CDC14A: variants seen among roughly 807,000 people sequenced by gnomAD.
CDC14A encodes dual specificity protein phosphatase CDC14A.
In CDC14A, 53 loss-of-function variants were observed where a neutral mutation model predicts 74.4. The observed-to-expected ratio is 0.71, with a 90% CI of 0.57 to 0.89. The LOEUF is 0.89. Among genes scored for constraint, CDC14A ranks in the 40% least tolerant of loss-of-function variants. CDC14A has a pLI of 0.00. For missense variants in CDC14A, 646 were observed against 713.7 expected (o/e 0.91, Z 1.08); for synonymous variants, 247 against 258.4 (o/e 0.96, Z 0.43).
At chr1:100,409,107 A>T (rs1158437563) in intron 4 of CDC14A, among the ~76,000 whole-genome samples, 1 of 152,214 alleles carries the variant, frequency 6.6e-6, no homozygotes, top group Non-Finnish European at 1.5e-5. Context: ...GAGGCCTCAC[A>T]ATCATGGCAG....
chr1:100,388,331 C>G (rs926073282), intron 3 of CDC14A, among the ~76,000 whole-genome samples: 1 of 152,164 alleles, frequency 6.6e-6, no homozygotes, highest in African/African-American at 2.4e-5. Context: ...AACCACCCAA[C>G]AGACAATGAG....
At position 100,499,218 on chromosome 1, in the gene CDC14A, G is replaced by A. The variant is rs61752469; in HGVS notation, c.1711G>A (p.Gly571Arg). Residue 571 changes from glycine to arginine, a missense_variant, in exon 15 of 16, where the codon GGG (glycine) becomes AGG (arginine). Physicochemically the swap from Gly to Arg is moderately radical, Grantham distance 125. Coordinates refer to ENST00000336454, the MANE Select transcript of CDC14A (RefSeq NM_003672.4). ...CACCATCCTCCGACCCTCCTACACC[G>A]GGCTTTCTTCTTCTTCAGCGAGATT... ...HTTILRPSYT[G>R]LSSSSARFLS... 2.2e-3 allele frequency: 3,488 copies of A among 1,614,108 alleles called. 10 individuals carry two copies. The highest frequency in any genetic ancestry group is 1.9e-3 in the Non-Finnish European group (2,228 of 1,180,022).
chr1:100,401,794 T>G (rs7524941), intron 4 of CDC14A, among the ~76,000 whole-genome samples: 400 of 152,232 alleles, frequency 2.6e-3, no homozygotes, highest in African/African-American at 9.4e-3. Context: ...ATCCCAGCAC[T>G]TTGGGAGGCC....
intron 4 of CDC14A, among the ~76,000 whole-genome samples, chr1:100,392,420 T>C (rs1657845242): frequency 6.6e-6 from 1 of 152,116 alleles, no homozygotes; most frequent in South Asian, 2.1e-4. Flanking sequence ...AGGATTGCCA[T>C]CAAGAAGAGG....
At chr1:100,466,608 C>T (rs984394795) in intron 9 of CDC14A, among the ~76,000 whole-genome samples, 21 of 152,200 alleles carry the variant, frequency 1.4e-4, no homozygotes, top group Admixed American at 7.2e-4. Flanking sequence ...TGGTGGCCCA[C>T]GCCTGTAATC....
chr1:100,409,537 A>G (rs937536163), intron 4 of CDC14A, among the ~76,000 whole-genome samples: 6 of 152,226 alleles, frequency 3.9e-5, no homozygotes, highest in Admixed American at 2.0e-4. Flanking sequence ...CTTCCTAGAT[A>G]CAATGGGGGT....
rs533462367 is a variant in CDC14A, at chr1:100,498,219, C to T, written c.1421+12C>T. ...GCCACTGTAAGAAGGTAATTTTTCT[C>T]TCCCTCTTCTAAGGTGCTGGTTTGA... On this transcript the variant is annotated intron_variant, in intron 14 of 15. Transcript: ENST00000336454. 63 of 1,612,360 alleles carry T rather than the reference C, an allele frequency of 3.9e-5. No individual in the cohort carries two copies. Among genetic ancestry groups the T allele is most frequent in the Admixed American group, 1.8e-4 (11 of 59,778 alleles).
chr1:100,483,449 A>G (rs2101354616), intron 10 of CDC14A, among the ~76,000 whole-genome samples: 1 of 152,246 alleles, frequency 6.6e-6, no homozygotes, highest in South Asian at 2.1e-4. Flanking sequence ...CGTCTCCTTG[A>G]TGATGCAATT....
intron 2 of CDC14A, among the ~76,000 whole-genome samples, chr1:100,363,939 G>A (rs1653166711): frequency 6.6e-6 from 1 of 152,046 alleles, no homozygotes; most frequent in South Asian, 2.1e-4. Context: ...CAGATTGCTC[G>A]AGCAACATGC....
In CDC14A at chr1:100,499,213, A is replaced by G. The variant is rs1289839512; in HGVS notation, c.1706A>G (p.Tyr569Cys). The G allele has an allele frequency of 1.2e-6, 2 of 1,614,098 alleles. No individual in the cohort carries two copies. Among genetic ancestry groups the G allele is most frequent in the Non-Finnish European group, 8.5e-7 (1 of 1,179,994 alleles). Residue 569 changes from tyrosine to cysteine, a missense_variant, in exon 15 of 16, where the codon TAC becomes TGC. Physicochemically the swap from Tyr to Cys is radical, Grantham distance 194 (BLOSUM62 -2). Transcript: ENST00000336454. Reference protein sequence around the residue: ...EEHTTILRPSYTGLSSSSARF... With the variant: ...EEHTTILRPSCTGLSSSSARF... Reference sequence around the variant, plus strand: ...CACACCACCATCCTCCGACCCTCCTACACCGGGCTTTCTTCTTCTTCAGCG... The same window carrying G: ...CACACCACCATCCTCCGACCCTCCTGCACCGGGCTTTCTTCTTCTTCAGCG...
rs1158079101 is a variant in CDC14A, at chr1:100,484,851, T to C, written c.1137+400T>C. 4 of 985,214 alleles carry C rather than the reference T, an allele frequency of 4.1e-6. No homozygotes were observed. The African/African-American group carries it at 7.0e-5, about 17-fold the overall frequency. 61.0% of individuals were successfully genotyped at this position (985,214 alleles called of 1,614,324 possible). A position where few individuals can be genotyped will look rare whatever the true frequency, so the allele number is the denominator to read the frequency against. The stretch of plus-strand genomic sequence containing the variant: ...CTGATTTCTAAAGTAAGTGCCAACT[T>C]GAAAACATGATTAGGGCACTTTTTT... On this transcript the variant is annotated intron_variant, in intron 11 of 15. Transcript: ENST00000336454.
At chr1:100,456,896 T>C (rs1003446649) in intron 8 of CDC14A, among the ~76,000 whole-genome samples, 16 of 152,232 alleles carry the variant, frequency 1.1e-4, no homozygotes, top group Admixed American at 5.2e-4. Flanking sequence ...ATCTTCTTAC[T>C]TATAAGCTTG....
chr1:100,422,631 C>G (rs1488925591), intron 4 of CDC14A, among the ~76,000 whole-genome samples: 4 of 152,292 alleles, frequency 2.6e-5, no homozygotes, highest in Admixed American at 6.5e-5. Flanking sequence ...TTTTTAGAAT[C>G]TGTGCCTCTT....
At chr1:100,448,726 A>T (rs956028443) in intron 7 of CDC14A, among the ~76,000 whole-genome samples, 1 of 152,208 alleles carries the variant, frequency 6.6e-6, no homozygotes, top group Non-Finnish European at 1.5e-5. Flanking sequence ...TAGCCACACC[A>T]TGCTCCTTAT....
chr1:100,485,017 C>A, intron 11 of CDC14A: 1 of 985,096 alleles, frequency 1.0e-6, no homozygotes, highest in South Asian at 4.7e-5. Context: ...CAGAGATGTT[C>A]TAACCTCAGT....
chr1:100,490,295 A>G (rs1197876342), intron 11 of CDC14A, among the ~76,000 whole-genome samples: 1 of 152,144 alleles, frequency 6.6e-6, no homozygotes, highest in East Asian at 1.9e-4. Context: ...AATTTAATGT[A>G]AATATGTTTT....
At chr1:100,412,728 T>TAAAAA (rs1214979698) in intron 4 of CDC14A, among the ~76,000 whole-genome samples, 1 of 98,238 alleles carries the variant, frequency 1.0e-5, no homozygotes, top group Non-Finnish European at 2.0e-5. Flanking sequence ...ATATATTTTA[T>TAAAAA]ATATATATAT....
intron 10 of CDC14A, 58 bp from the exon 11 acceptor site, chr1:100,484,234 A>G: frequency 9.9e-7 from 1 of 1,005,474 alleles, no homozygotes; most frequent in Non-Finnish European, 1.4e-6. Flanking sequence ...AGATGAGAGT[A>G]GATTGTTTTA....
chr1:100,482,467 A>T (rs140696084), intron 10 of CDC14A, among the ~76,000 whole-genome samples: 7 of 152,142 alleles, frequency 4.6e-5, no homozygotes, highest in African/African-American at 7.2e-5. Flanking sequence ...AGTCCTGCTC[A>T]TCTTTCCAGA....
Sources: gnomAD v4.1 joint callset for allele counts (sites outside exome capture counted in the v4.1 genomes callset) on GRCh38, gnomAD v4.1.1 for gene constraint, MANE v1.5 for transcripts, NCBI Gene and HGNC (gene_info 2026-07-23, HGNC 2026-07-21) for gene names.